The following THADA variants were observed in gnomAD, a reference collection of about 807,000 sequenced individuals.
The protein encoded by THADA is tRNA (32-2'-O)-methyltransferase regulator THADA.
In THADA, 213 loss-of-function variants were observed where a neutral mutation model predicts 219.8. The ratio of observed to expected loss-of-function variants is 0.97; its 90% CI spans 0.87 to 1.09. The LOEUF is 1.09. Among genes scored for constraint, THADA ranks in the 50% least tolerant of loss-of-function variants. The probability of loss-of-function intolerance (pLI) is 0.00; values close to 1 mark genes in which losing one functional copy is unlikely to be tolerated. For synonymous variants in THADA, 1,018 were observed against 828.9 expected (o/e 1.23, Z -3.92); for missense variants, 2,956 against 2,311.3 (o/e 1.28, Z -5.72).
intron 36 of THADA, among the ~76,000 whole-genome samples, chr2:43,269,740 C>G (rs1671921112): frequency 6.6e-6 from 1 of 152,180 alleles, no homozygotes; most frequent in Non-Finnish European, 1.5e-5. Context: ...AAAGCATTTC[C>G]CCTCACCCTC....
intron 8 of THADA, among the ~76,000 whole-genome samples, chr2:43,579,850 C>T (rs191958335): frequency 7.2e-5 from 11 of 152,188 alleles, no homozygotes; most frequent in Admixed American, 7.2e-4. Context: ...ATGTGTGGGT[C>T]GTACACTGCC....
intron 36 of THADA, among the ~76,000 whole-genome samples, chr2:43,278,298 A>T (rs1165218434): frequency 6.6e-6 from 1 of 152,120 alleles, no homozygotes; most frequent in Non-Finnish European, 1.5e-5. Context: ...CTAACTTCTG[A>T]TTAAAGAAAA....
rs997944023 is a variant in THADA, at chr2:43,440,815, T to A, written c.3837-10513A>T. 5.3e-5 allele frequency among the ~76,000 whole-genome samples: 8 copies of A among 152,296 alleles called. No homozygotes were observed. In the East Asian group the frequency reaches 1.5e-3, roughly 29 times the overall value. On this transcript the variant is annotated intron_variant, in intron 26 of 37. Coordinates refer to ENST00000405975, the MANE Select transcript of THADA (RefSeq NM_022065.5). ...TATGATCTAGAAACTGCCTAATAGA[T>A]AACTGGCTCTGCTGACCATAATACC...
At chr2:43,475,287 G>C (rs983378229) in intron 26 of THADA, among the ~76,000 whole-genome samples, 1 of 151,878 alleles carries the variant, frequency 6.6e-6, no homozygotes, top group Non-Finnish European at 1.5e-5. Flanking sequence ...ATGGTGTCAC[G>C]CACGTGTAGC....
intron 28 of THADA, among the ~76,000 whole-genome samples, chr2:43,422,864 C>T (rs114456198): frequency 6.6e-5 from 10 of 152,212 alleles, no homozygotes; most frequent in Non-Finnish European, 1.0e-4. Flanking sequence ...GGACTACAGG[C>T]GCAAATCACC....
chr2:43,539,615 G>C (rs1221339776), intron 21 of THADA, among the ~76,000 whole-genome samples: 1 of 152,178 alleles, frequency 6.6e-6, no homozygotes, highest in African/African-American at 2.4e-5. Flanking sequence ...CGCTCATTCA[G>C]TCATCAGTTT....
chr2:43,266,942 C>T (rs939248188), intron 36 of THADA, among the ~76,000 whole-genome samples: 4 of 152,208 alleles, frequency 2.6e-5, no homozygotes, highest in African/African-American at 9.7e-5. Context: ...CTCCCTCCCT[C>T]CCGCCATTGC....
intron 29 of THADA, among the ~76,000 whole-genome samples, chr2:43,354,698 T>C (rs1010933360): frequency 1.3e-5 from 2 of 152,230 alleles, no homozygotes; most frequent in Non-Finnish European, 2.9e-5. Flanking sequence ...TCATTCTTTT[T>C]TATGCCTGAA....
intron 21 of THADA, among the ~76,000 whole-genome samples, chr2:43,529,167 A>C (rs1350454017): frequency 1.3e-5 from 2 of 152,036 alleles, no homozygotes; most frequent in African/African-American, 4.8e-5. Context: ...AAAAAAAAAA[A>C]AACAGGGTCT....
At chr2:43,563,241 T>G (rs575238020) in intron 15 of THADA, 1 of 152,340 alleles carries the variant, frequency 6.6e-6, no homozygotes, top group African/African-American at 2.4e-5. Flanking sequence ...TTTCGTACGT[T>G]GTATTTTTGC....
chr2:43,319,523 TC>T (rs945300326), intron 31 of THADA, among the ~76,000 whole-genome samples: 25 of 152,142 alleles, frequency 1.6e-4, no homozygotes, highest in Admixed American at 5.2e-4. Flanking sequence ...CTCCCCGACC[TC>T]CCTCCTGCAA....
At chr2:43,381,329 G>A (rs564646985) in intron 29 of THADA, among the ~76,000 whole-genome samples, 63 of 152,124 alleles carry the variant, frequency 4.1e-4, no homozygotes, top group Middle Eastern at 3.4e-3. Context: ...ATAAATAAAT[G>A]GGAGAGAAGA....
intron 36 of THADA, among the ~76,000 whole-genome samples, chr2:43,253,860 T>A (rs1480573122): frequency 2.0e-5 from 3 of 152,152 alleles, no homozygotes; most frequent in Admixed American, 6.5e-5. Context: ...TTCTCTGATG[T>A]AAATGATATC....
chr2:43,308,742 C>T (rs1437489886), intron 31 of THADA, among the ~76,000 whole-genome samples: 1 of 35,266 alleles, frequency 2.8e-5, no homozygotes, highest in Non-Finnish European at 5.3e-5. Context: ...GGTGCTGAAA[C>T]ATTGGATACC....
intron 26 of THADA, among the ~76,000 whole-genome samples, chr2:43,433,102 A>G (rs1679583958): frequency 6.6e-6 from 1 of 152,084 alleles, no homozygotes; most frequent in South Asian, 2.1e-4. Context: ...TTTTACATTG[A>G]GGTCTATGAT....
intron 35 of THADA, among the ~76,000 whole-genome samples, chr2:43,282,075 G>A (rs1673428500): frequency 1.3e-5 from 2 of 152,282 alleles, no homozygotes; most frequent in African/African-American, 4.8e-5. Context: ...TATTTCTCAT[G>A]TTCTTGTAGG....
Position 43,508,808 on chromosome 2 carries a change from G to A in THADA, c.3375-28C>T, listed in dbSNP as rs367571161. 2.0e-5 allele frequency: 32 copies of A among 1,607,300 alleles called. 1 individual carries two copies. The highest frequency in any genetic ancestry group is 1.2e-4 in the South Asian group (11 of 89,894). ...AAAAGGCATATATAATCAAATATTC[G>A]GAATTAGGTATCAAAGTTAAAAGTA... On this transcript the variant is annotated intron_variant, in intron 22 of 37. Coordinates refer to ENST00000405975, the MANE Select transcript of THADA (RefSeq NM_022065.5).
intron 36 of THADA, among the ~76,000 whole-genome samples, chr2:43,238,493 T>C (rs987018650): frequency 3.9e-5 from 6 of 152,132 alleles, no homozygotes; most frequent in East Asian, 1.9e-4. Flanking sequence ...TGTGGAGAAA[T>C]TGGAACCCTC....
In THADA at chr2:43,577,096, C is replaced by G. The variant is rs1202859720; in HGVS notation, c.963G>C (p.Gln321His). The G allele has an allele frequency of 6.2e-7, 1 of 1,613,390 alleles. No individual in the cohort carries two copies. The highest frequency in any genetic ancestry group is 1.7e-5 in the Admixed American group (1 of 59,948). ...CQGTLAMLDWQNGSMGRSGEA... is the reference protein window; with the variant it reads ...CQGTLAMLDWHNGSMGRSGEA... The stretch of plus-strand genomic sequence containing the variant: ...CCCCACTCCGACCCATGCTTCCGTT[C>G]TGCCAGTCCAACATGGCAAGTGTCC... The change falls in exon 10 of 38, where the codon CAG (glutamine) becomes CAC (histidine). Residue 321 changes from glutamine (Q) to histidine (H), a missense_variant. Coordinates refer to ENST00000405975, the MANE Select transcript of THADA (RefSeq NM_022065.5).
Sources: allele counts gnomAD v4.1 joint callset (sites outside exome capture counted in the v4.1 genomes callset), GRCh38; gene constraint gnomAD v4.1.1; transcripts MANE v1.5; gene names NCBI Gene and HGNC (gene_info 2026-07-23, HGNC 2026-07-21).